CSMD1: variants seen among roughly 807,000 people sequenced by gnomAD.
CSMD1 encodes the protein CUB and Sushi multiple domains 1, also known as CUB and sushi domain-containing protein 1.
A neutral mutation model predicts 417.5 loss-of-function variants in CSMD1; 213 were observed. That is an observed-to-expected ratio of 0.51 (90% CI 0.46 to 0.57). CSMD1 has a LOEUF of 0.57. Ranked by LOEUF, CSMD1 falls within the 20% of genes least tolerant of loss-of-function variation. The pLI is 0.00. For synonymous variants in CSMD1, 2,862 were observed against 1,736.8 expected (o/e 1.65, Z -16.11); for missense variants, 6,923 against 4,529.7 (o/e 1.53, Z -15.17).
intron 4 of CSMD1, among the ~76,000 whole-genome samples, chr8:4,000,233 C>A (rs1396699670): frequency 6.7e-6 from 1 of 149,952 alleles, no homozygotes; most frequent in Non-Finnish European, 1.5e-5. Flanking sequence ...CTCTCCTGCC[C>A]CCCGCCCTCC....
intron 12 of CSMD1, among the ~76,000 whole-genome samples, chr8:3,446,955 A>G (rs1382164219): frequency 2.0e-5 from 3 of 152,258 alleles, no homozygotes; most frequent in African/African-American, 7.2e-5. Context: ...GTCTGCTCAC[A>G]CATAGTGACT....
In CSMD1 at chr8:4,093,999, T is replaced by TAGATAGAC. The variant is rs1800864126; in HGVS notation, c.416-61901_416-61900insGTCTATCT. 4.6e-5 allele frequency among the ~76,000 whole-genome samples: 7 copies of TAGATAGAC among 151,808 alleles called. No individual in the cohort carries two copies. The South Asian group carries it at 1.5e-3, about 32-fold the overall frequency. Reference sequence around the variant, plus strand: ...ATAGATAGATAGATAGATAGATAGATAGATAGATAGATAAAGAAAAAAGAC... The same window carrying TAGATAGAC: ...ATAGATAGATAGATAGATAGATAGATAGATAGACAGATAGATAGATAAAGAAAAAAGAC... On this transcript the variant is annotated intron_variant, in intron 3 of 69. Coordinates refer to ENST00000635120, the MANE Select transcript of CSMD1 (RefSeq NM_033225.6).
At chr8:2,990,222 T>C (rs1036589549) in intron 54 of CSMD1, among the ~76,000 whole-genome samples, 16 of 152,256 alleles carry the variant, frequency 1.1e-4, no homozygotes, top group Admixed American at 3.9e-4. Context: ...AGCAAGAGGC[T>C]GACACTAATA....
In CSMD1 at chr8:3,899,875, C is replaced by G. The variant is rs571823640; in HGVS notation, c.818+98028G>C. ...TGTCCATTTCTTCAGTTCCTTTACT[C>G]CAAACCCTGAGCTTAAGAACTTGCT... On this transcript the variant is annotated intron_variant, in intron 5 of 69. Coordinates refer to ENST00000635120, the MANE Select transcript of CSMD1 (RefSeq NM_033225.6). Among the ~76,000 whole-genome samples, 63 of 152,180 alleles carry G rather than the reference C, an allele frequency of 4.1e-4. 1 individual carries two copies. Among genetic ancestry groups the G allele is most frequent in the Non-Finnish European group, 8.2e-4 (56 of 68,038 alleles).
At chr8:3,085,889 G>A (rs1423938715) in intron 49 of CSMD1, among the ~76,000 whole-genome samples, 1 of 152,144 alleles carries the variant, frequency 6.6e-6, no homozygotes, top group African/African-American at 2.4e-5. Flanking sequence ...ACCCCTTTGT[G>A]CTTAGGCCTG....
At chr8:4,605,878 G>C (rs945105329) in intron 2 of CSMD1, among the ~76,000 whole-genome samples, 4 of 152,154 alleles carry the variant, frequency 2.6e-5, no homozygotes, top group African/African-American at 7.2e-5. Flanking sequence ...AATGAGGCTG[G>C]AGTAGAGACA....
chr8:3,420,683 A>C (rs1306698097), intron 12 of CSMD1, among the ~76,000 whole-genome samples: 2 of 152,136 alleles, frequency 1.3e-5, no homozygotes, highest in Non-Finnish European at 2.9e-5. Context: ...AAATTAGTCA[A>C]ATTCTAAACT....
intron 2 of CSMD1, among the ~76,000 whole-genome samples, chr8:4,636,483 G>A (rs1047662798): frequency 1.3e-5 from 2 of 152,064 alleles, no homozygotes; most frequent in African/African-American, 4.8e-5. Context: ...CACCTCCTAT[G>A]TTCCTTTCAC....
chr8:3,899,058 A>G (rs1807555064), intron 5 of CSMD1, among the ~76,000 whole-genome samples: 1 of 152,218 alleles, frequency 6.6e-6, no homozygotes, highest in Admixed American at 6.5e-5. Context: ...AATTGAGGTC[A>G]ATAAAATGAG....
intron 59 of CSMD1, 43 bp downstream of exon 59, chr8:2,965,732 C>G (rs1411011090): frequency 6.5e-7 from 1 of 1,532,230 alleles, no homozygotes; most frequent in Admixed American, 1.9e-5. Flanking sequence ...TCAATAAAGA[C>G]TTCTATACAC....
chr8:3,832,228 T>A (rs1454607310), intron 5 of CSMD1, among the ~76,000 whole-genome samples: 1 of 152,194 alleles, frequency 6.6e-6, no homozygotes, highest in Non-Finnish European at 1.5e-5. Context: ...TGTCCAGACC[T>A]GGTACCTGAA....
chr8:4,318,821 T>C lies in CSMD1; in HGVS notation c.415+101132A>G, dbSNP rs780113060. On this transcript the variant is annotated intron_variant, in intron 3 of 69. Transcript: ENST00000635120. Reference sequence around the variant, plus strand: ...AGTTAATTTTAAACTATTTGAAAGCTAACATCCTCCCATAAATCATAAAGC... The same window carrying C: ...AGTTAATTTTAAACTATTTGAAAGCCAACATCCTCCCATAAATCATAAAGC... Among the ~76,000 whole-genome samples the C allele has an allele frequency of 2.1e-4, 32 of 152,154 alleles. No individual in the cohort carries two copies. The Middle Eastern group carries it at 0.014, about 65-fold the overall frequency.
intron 1 of CSMD1, among the ~76,000 whole-genome samples, chr8:4,780,072 G>T (rs947475233): frequency 6.6e-6 from 1 of 152,080 alleles, no homozygotes; most frequent in Non-Finnish European, 1.5e-5. Context: ...CGTACTTCAG[G>T]ATGTCTGTTG....
chr8:4,576,035 G>A lies in CSMD1; in HGVS notation c.302+61307C>T, dbSNP rs551034138. ...GGGTGGAAAAATACAATTATTTACT[G>A]CATTATCTTTCAACATCCACTCTTC... On this transcript the variant is annotated intron_variant, in intron 2 of 69. Coordinates refer to ENST00000635120, the MANE Select transcript of CSMD1 (RefSeq NM_033225.6). Among the ~76,000 whole-genome samples, 5 of 152,322 alleles carry A rather than the reference G, an allele frequency of 3.3e-5. No individual in the cohort carries two copies. In the South Asian group the frequency reaches 8.3e-4, roughly 25 times the overall value.
intron 1 of CSMD1, among the ~76,000 whole-genome samples, chr8:4,750,785 A>G (rs956497839): frequency 2.6e-5 from 4 of 152,164 alleles, no homozygotes; most frequent in Non-Finnish European, 5.9e-5. Context: ...TTAGCATAAA[A>G]TGTTTCGTTG....
At chr8:3,442,701 G>C (rs888119183) in intron 12 of CSMD1, among the ~76,000 whole-genome samples, 9 of 152,142 alleles carry the variant, frequency 5.9e-5, no homozygotes, top group African/African-American at 1.7e-4. Flanking sequence ...CCCTGTTGTT[G>C]TTAAGCAATG....
At chr8:4,605,197 G>C (rs1800802520) in intron 2 of CSMD1, among the ~76,000 whole-genome samples, 1 of 152,118 alleles carries the variant, frequency 6.6e-6, no homozygotes, top group South Asian at 2.1e-4. Context: ...TTGAAATTAA[G>C]ACAGCAACCA....
intron 3 of CSMD1, among the ~76,000 whole-genome samples, chr8:4,289,740 T>C (rs868491428): frequency 2.6e-5 from 4 of 152,162 alleles, no homozygotes; most frequent in South Asian, 2.1e-4. Context: ...GGGTAATGCA[T>C]TGTGAATAAA....
At chr8:3,933,590 G>A (rs578076708) in intron 5 of CSMD1, among the ~76,000 whole-genome samples, 1 of 152,240 alleles carries the variant, frequency 6.6e-6, no homozygotes, top group East Asian at 1.9e-4. Context: ...ATAGGAGTGT[G>A]TAGAACTGTT....
Sources: gnomAD v4.1 joint callset for allele counts (sites outside exome capture counted in the v4.1 genomes callset) on GRCh38, gnomAD v4.1.1 for gene constraint, MANE v1.5 for transcripts, NCBI Gene and HGNC (gene_info 2026-07-23, HGNC 2026-07-21) for gene names.